BTRC: variants seen among roughly 807,000 people sequenced by gnomAD.
BTRC encodes F-box/WD repeat-containing protein 1A.
Under a neutral mutation model 85.5 loss-of-function variants are expected in BTRC, and 42 were observed. The ratio of observed to expected loss-of-function variants is 0.49; its 90% CI spans 0.38 to 0.64. BTRC has a LOEUF of 0.64. Ranked by LOEUF, BTRC falls within the 30% of genes least tolerant of loss-of-function variation. The pLI is 0.00. For synonymous variants in BTRC, 255 were observed against 263.3 expected (o/e 0.97, Z 0.30); for missense variants, 594 against 743.5 (o/e 0.80, Z 2.34).
intron 2 of BTRC, among the ~76,000 whole-genome samples, chr10:101,461,053 C>T (rs2134168185): frequency 6.6e-6 from 1 of 152,154 alleles, no homozygotes; most frequent in Admixed American, 6.5e-5. Flanking sequence ...CAGGCACCCA[C>T]CACCACACTT....
intron 4 of BTRC, among the ~76,000 whole-genome samples, chr10:101,494,767 T>A (rs1440621972): frequency 1.3e-5 from 2 of 152,176 alleles, no homozygotes; most frequent in Non-Finnish European, 2.9e-5. Context: ...AGAATAGTTG[T>A]GTGTAGTATA....
chr10:101,378,134 A>C (rs531583143), intron 1 of BTRC, among the ~76,000 whole-genome samples: 2 of 152,158 alleles, frequency 1.3e-5, no homozygotes, highest in African/African-American at 4.8e-5. Flanking sequence ...GATGGAGGCA[A>C]GGAAGGCTTT....
chr10:101,528,850 A>G (rs769236452), intron 6 of BTRC, among the ~76,000 whole-genome samples: 4 of 152,234 alleles, frequency 2.6e-5, no homozygotes, highest in Non-Finnish European at 4.4e-5. Context: ...CAAAAATAGT[A>G]AGTAAATACA....
chr10:101,499,694 A>G (rs1424449522), intron 4 of BTRC, among the ~76,000 whole-genome samples: 5 of 151,362 alleles, frequency 3.3e-5, no homozygotes, highest in Non-Finnish European at 2.9e-5. Context: ...GTTCATGTCT[A>G]TTCTGATATC....
In BTRC at chr10:101,555,952, G is replaced by A. The variant is rs367810554; in HGVS notation, c.*2829G>A. 4 of 152,324 alleles carry A rather than the reference G, an allele frequency of 2.6e-5. No homozygotes were observed. Among genetic ancestry groups the A allele is most frequent in the African/African-American group, 7.2e-5 (3 of 41,566 alleles). The allele number at this position is 152,324 out of a possible 1,614,324, so 9.4% of individuals were successfully genotyped here. A position where few individuals can be genotyped will look rare whatever the true frequency, so the allele number is the denominator to read the frequency against. On this transcript the variant is annotated 3_prime_UTR_variant, in exon 15 of 15. Transcript: ENST00000370187. ...ACAAGACCAGCATGCCTTGCTGCACGTGTGTGTATTTCACTGCTGAGAACA... is the reference window on the plus strand; with the variant it reads ...ACAAGACCAGCATGCCTTGCTGCACATGTGTGTATTTCACTGCTGAGAACA...
chr10:101,419,008 T>C (rs1164776519), intron 1 of BTRC, among the ~76,000 whole-genome samples: 1 of 151,780 alleles, frequency 6.6e-6, no homozygotes. Flanking sequence ...TTTTCTTTCT[T>C]TCTTTCTTTT....
At chr10:101,500,795 T>C (rs891777402) in intron 4 of BTRC, among the ~76,000 whole-genome samples, 1 of 152,238 alleles carries the variant, frequency 6.6e-6, no homozygotes, top group Non-Finnish European at 1.5e-5. Context: ...CTCAGAATGA[T>C]AGCATTTCTT....
Position 101,553,848 on chromosome 10 carries a change from G to C in BTRC, c.*725G>C, listed in dbSNP as rs2134497174. 6.5e-6 allele frequency: 1 copy of C among 152,774 alleles called. No individual in the cohort carries two copies. Among genetic ancestry groups the C allele is most frequent in the East Asian group, 1.9e-4 (1 of 5,172 alleles). 9.5% of individuals were successfully genotyped at this position (152,774 alleles called of 1,614,324 possible). A position where few individuals can be genotyped will look rare whatever the true frequency, so the allele number is the denominator to read the frequency against. On this transcript the variant is annotated 3_prime_UTR_variant, in exon 15 of 15. Coordinates refer to ENST00000370187, the MANE Select transcript of BTRC (RefSeq NM_033637.4). ...CACCTGAGAAGAAAGTGTACGAAGA[G>C]AGTGTCCTCCTCTCACATGAGCCAG...
intron 13 of BTRC, among the ~76,000 whole-genome samples, chr10:101,538,819 A>G (rs3095799): frequency 0.63 from 95,665 of 152,010 alleles, 31,290 homozygotes; most frequent in East Asian, 0.85. Flanking sequence ...AGGTCAAGGC[A>G]GATGGATCAC....
At chr10:101,478,375 C>G (rs1197293896) in intron 3 of BTRC, among the ~76,000 whole-genome samples, 1 of 149,830 alleles carries the variant, frequency 6.7e-6, no homozygotes, top group African/African-American at 2.4e-5. Flanking sequence ...TTTCTCTTTT[C>G]TTTTTAAAGC....
chr10:101,431,367 G>T (rs4919545), intron 2 of BTRC, among the ~76,000 whole-genome samples: 2 of 151,452 alleles, frequency 1.3e-5, no homozygotes, highest in African/African-American at 4.9e-5. Flanking sequence ...AAGAACCACC[G>T]CACACAGACC....
chr10:101,478,792 AAAAAG>A (rs923216365), intron 3 of BTRC, among the ~76,000 whole-genome samples: 3 of 151,440 alleles, frequency 2.0e-5, no homozygotes, highest in Non-Finnish European at 4.4e-5. Context: ...AAAAAAAAAA[AAAAAG>A]AAAAGAAAAA....
intron 3 of BTRC, among the ~76,000 whole-genome samples, chr10:101,469,080 G>T (rs763594671): frequency 6.6e-6 from 1 of 152,176 alleles, no homozygotes; most frequent in Non-Finnish European, 1.5e-5. Flanking sequence ...ATATAAAAAC[G>T]TATTAAAGTA....
chr10:101,505,137 A>ATATGTATATATATG (rs1554889414), intron 4 of BTRC, among the ~76,000 whole-genome samples: 13 of 116,948 alleles, frequency 1.1e-4, no homozygotes, highest in African/African-American at 3.4e-4. Context: ...GTGTATATAT[A>ATATGTATATATATG]TGTATATATA....
intron 4 of BTRC, among the ~76,000 whole-genome samples, chr10:101,517,831 A>G (rs1051431829): frequency 2.6e-5 from 4 of 151,660 alleles, no homozygotes; most frequent in Non-Finnish European, 5.9e-5. Context: ...CTGAATCCCA[A>G]TTATTTCTCA....
intron 4 of BTRC, among the ~76,000 whole-genome samples, chr10:101,510,405 G>A (rs1946671596): frequency 6.6e-6 from 1 of 151,766 alleles, no homozygotes; most frequent in Admixed American, 6.6e-5. Flanking sequence ...AGCTACTCCG[G>A]AGGCTGAGGC....
At chr10:101,499,008 A>G (rs1477370213) in intron 4 of BTRC, among the ~76,000 whole-genome samples, 2 of 152,082 alleles carry the variant, frequency 1.3e-5, no homozygotes, top group African/African-American at 4.8e-5. Context: ...AAAAAACAGA[A>G]AAAAATAATA....
intron 4 of BTRC, among the ~76,000 whole-genome samples, chr10:101,489,768 G>A (rs1355249864): frequency 3.3e-5 from 5 of 151,996 alleles, no homozygotes; most frequent in Admixed American, 6.6e-5. Flanking sequence ...TGTTTCTGCC[G>A]GTATTTGTTC....
intron 3 of BTRC, among the ~76,000 whole-genome samples, chr10:101,473,593 C>G (rs1257829655): frequency 6.6e-6 from 1 of 150,556 alleles, no homozygotes; most frequent in Non-Finnish European, 1.5e-5. Flanking sequence ...CCCTCTGCCT[C>G]CCAAGTAGCT....
Sources: gnomAD v4.1 joint callset for allele counts (sites outside exome capture counted in the v4.1 genomes callset) on GRCh38, gnomAD v4.1.1 for gene constraint, MANE v1.5 for transcripts, NCBI Gene and HGNC (gene_info 2026-07-23, HGNC 2026-07-21) for gene names.